The following LPP variants were observed in gnomAD, a reference collection of about 807,000 sequenced individuals.
LPP encodes LIM domain containing preferred translocation partner in lipoma.
In LPP, 38 loss-of-function variants were observed where a neutral mutation model predicts 60.4. That is an observed-to-expected ratio of 0.63 (90% CI 0.49 to 0.83). The LOEUF is 0.83. Ranked by LOEUF, LPP falls within the 40% of genes least tolerant of loss-of-function variation. The pLI, the probability that LPP is intolerant of heterozygous loss-of-function variation, is 0.00. For synonymous variants in LPP, 328 were observed against 290.8 expected (o/e 1.13, Z -1.30); for missense variants, 902 against 783.6 (o/e 1.15, Z -1.80).
chr3:188,529,322 T>A (rs951600133), intron 6 of LPP, among the ~76,000 whole-genome samples: 2 of 152,200 alleles, frequency 1.3e-5, no homozygotes, highest in African/African-American at 4.8e-5. Context: ...ATGTTTCTAT[T>A]TTTGTTCAAA....
At chr3:188,721,684 C>T (rs1046254620) in intron 8 of LPP, among the ~76,000 whole-genome samples, 1 of 152,100 alleles carries the variant, frequency 6.6e-6, no homozygotes, top group Admixed American at 6.5e-5. Context: ...AAATGGTGTC[C>T]TCAAGCTTAC....
intron 2 of LPP, among the ~76,000 whole-genome samples, chr3:188,338,673 T>C (rs1327149115): frequency 6.6e-6 from 1 of 152,206 alleles, no homozygotes; most frequent in African/African-American, 2.4e-5. Context: ...ATGAATATCT[T>C]GGACACCAGG....
chr3:188,159,201 G>T (rs567896460), intron 1 of LPP, among the ~76,000 whole-genome samples: 2 of 152,226 alleles, frequency 1.3e-5, no homozygotes, highest in East Asian at 3.9e-4. Context: ...CTCCGGTAAC[G>T]GTGCTATATG....
At chr3:188,378,061 C>G (rs900153360) in intron 3 of LPP, among the ~76,000 whole-genome samples, 1 of 152,194 alleles carries the variant, frequency 6.6e-6, no homozygotes. Flanking sequence ...GATCATTCCT[C>G]TGGAAGTTTT....
At chr3:188,428,803 C>T (rs1390824751) in intron 4 of LPP, among the ~76,000 whole-genome samples, 1 of 151,966 alleles carries the variant, frequency 6.6e-6, no homozygotes, top group Non-Finnish European at 1.5e-5. Flanking sequence ...ATTCTGCCTT[C>T]ATAACATGAG....
intron 7 of LPP, among the ~76,000 whole-genome samples, chr3:188,705,830 T>C (rs1337862923): frequency 6.6e-6 from 1 of 152,120 alleles, no homozygotes; most frequent in African/African-American, 2.4e-5. Flanking sequence ...TTGGCTAGGC[T>C]GGTCTCGAAC....
chr3:188,760,439 T>TGCAC (rs1553836339), intron 9 of LPP, among the ~76,000 whole-genome samples, 157 bp downstream of exon 9: 4 of 149,922 alleles, frequency 2.7e-5, no homozygotes, highest in African/African-American at 1.0e-4. Flanking sequence ...TGTGTGTGCG[T>TGCAC]GCGCGCATGT....
chr3:188,640,397 T>C (rs1288908369), intron 7 of LPP, among the ~76,000 whole-genome samples: 5 of 140,728 alleles, frequency 3.6e-5, no homozygotes, highest in East Asian at 2.2e-4. Context: ...AGGGATAGCA[T>C]TGGGAGATAT....
At chr3:188,276,521 G>T (rs1024638351) in intron 2 of LPP, among the ~76,000 whole-genome samples, 2 of 152,202 alleles carry the variant, frequency 1.3e-5, no homozygotes, top group African/African-American at 4.8e-5. Flanking sequence ...CAAATCTCAT[G>T]TTGAATTCTA....
At chr3:188,668,760 A>G (rs896059194) in intron 7 of LPP, among the ~76,000 whole-genome samples, 6 of 152,188 alleles carry the variant, frequency 3.9e-5, no homozygotes, top group Non-Finnish European at 5.9e-5. Flanking sequence ...TTCCTAGGAA[A>G]TACTCCAAAG....
At chr3:188,371,182 C>A (rs1244644159) in intron 3 of LPP, among the ~76,000 whole-genome samples, 1 of 152,128 alleles carries the variant, frequency 6.6e-6, no homozygotes, top group Non-Finnish European at 1.5e-5. Flanking sequence ...TTAACCCACT[C>A]AATGTACTTA....
chr3:188,874,877 T>C lies in LPP; in HGVS notation c.*398T>C. ...TGCCAACTCACAGGTGCTTTTAGGC[T>C]TGAAATCTCCATCCTATCATTTCCG... On this transcript the variant is annotated 3_prime_UTR_variant, in exon 12 of 12. Transcript: ENST00000617246. 4.2e-6 allele frequency: 1 copy of C among 239,906 alleles called. No individual in the cohort carries two copies. Among genetic ancestry groups the C allele is most frequent in the Non-Finnish European group, 8.2e-6 (1 of 121,318 alleles). 14.9% of individuals were successfully genotyped at this position (239,906 alleles called of 1,614,324 possible). A position where few individuals can be genotyped will look rare whatever the true frequency, so the allele number is the denominator to read the frequency against.
At chr3:188,769,391 G>T (rs1735158779) in intron 9 of LPP, among the ~76,000 whole-genome samples, 1 of 152,106 alleles carries the variant, frequency 6.6e-6, no homozygotes, top group Non-Finnish European at 1.5e-5. Context: ...CTTAGTTACT[G>T]CTCACCACAT....
chr3:188,751,147 G>A (rs1390374265), intron 8 of LPP, among the ~76,000 whole-genome samples: 1 of 152,122 alleles, frequency 6.6e-6, no homozygotes, highest in African/African-American at 2.4e-5. Flanking sequence ...AAATACAGTA[G>A]CTTTAGAAAA....
At chr3:188,190,997 C>T (rs1728010232) in intron 1 of LPP, among the ~76,000 whole-genome samples, 3 of 152,140 alleles carry the variant, frequency 2.0e-5, no homozygotes, top group Non-Finnish European at 2.9e-5. Flanking sequence ...TTTGGGGGGC[C>T]GAGGCAGGTG....
chr3:188,507,737 T>G (rs1222032351), intron 5 of LPP, among the ~76,000 whole-genome samples: 2 of 152,164 alleles, frequency 1.3e-5, no homozygotes, highest in East Asian at 1.9e-4. Flanking sequence ...AGTGGGGAAC[T>G]TGGCCAACTA....
At chr3:188,820,556 C>T (rs1023846412) in intron 9 of LPP, among the ~76,000 whole-genome samples, 3 of 152,038 alleles carry the variant, frequency 2.0e-5, no homozygotes, top group Non-Finnish European at 1.5e-5. Flanking sequence ...ATGTGAATTC[C>T]TACATTCTGT....
chr3:188,578,012 A>G (rs1835167038), intron 6 of LPP, among the ~76,000 whole-genome samples: 2 of 152,054 alleles, frequency 1.3e-5, no homozygotes, highest in Admixed American at 6.6e-5. Context: ...ACTACAGTAG[A>G]AAAAGAGATG....
At chr3:188,537,017 A>G (rs546877215) in intron 6 of LPP, among the ~76,000 whole-genome samples, 81 of 152,344 alleles carry the variant, frequency 5.3e-4, no homozygotes, top group African/African-American at 1.9e-3. Flanking sequence ...GATGCTTACC[A>G]AGGCAGTCCA....
Sources: gnomAD v4.1 joint callset for allele counts (sites outside exome capture counted in the v4.1 genomes callset) on GRCh38, gnomAD v4.1.1 for gene constraint, MANE v1.5 for transcripts, NCBI Gene and HGNC (gene_info 2026-07-23, HGNC 2026-07-21) for gene names.